Variants in LUZP2 observed in about 807,000 individuals in gnomAD.
LUZP2 encodes the protein leucine zipper protein 2.
A neutral mutation model predicts 51.6 loss-of-function variants in LUZP2; 52 were observed. The ratio of observed to expected loss-of-function variants is 1.01; its 90% confidence interval spans 0.81 to 1.27. The LOEUF (loss-of-function observed/expected upper bound fraction) is 1.27. Among genes scored for constraint, LUZP2 ranks in the 50% most tolerant of loss-of-function variants. The pLI, the probability that LUZP2 is intolerant of heterozygous loss-of-function variation, is 0.00. For synonymous variants in LUZP2, 154 were observed against 137.3 expected (o/e 1.12, Z -0.85); for missense variants, 436 against 395.4 (o/e 1.10, Z -0.87).
chr11:24,499,511 G>C (rs1253897869), intron 1 of LUZP2, among the ~76,000 whole-genome samples: 1 of 152,190 alleles, frequency 6.6e-6, no homozygotes. Flanking sequence ...TTGTCCTGCT[G>C]GGAAAAGCTG....
At chr11:24,523,265 G>T (rs1850700353) in intron 1 of LUZP2, among the ~76,000 whole-genome samples, 1 of 151,088 alleles carries the variant, frequency 6.6e-6, no homozygotes, top group South Asian at 2.1e-4. Context: ...TCAAATTTGG[G>T]GCACAAAGAA....
Position 24,527,567 on chromosome 11 carries a change from TCA to T in LUZP2, c.62+30293_62+30294del, listed in dbSNP as rs1554948856. On this transcript the variant is annotated intron_variant, in intron 1 of 11. Transcript: ENST00000336930. The stretch of plus-strand genomic sequence containing the variant: ...AAATAAGAATCTCTCTCTCTCTCTC[TCA>T]CACACACACACACACACACACACAC... Among the ~76,000 whole-genome samples the T allele has an allele frequency of 3.3e-3, 435 of 131,598 alleles. 1 individual carries two copies. The highest frequency in any genetic ancestry group is 5.1e-3 in the Admixed American group (67 of 13,020). The allele number at this position is 131,598 out of a possible 152,430, so 86.3% of individuals were successfully genotyped here. A position where few individuals can be genotyped will look rare whatever the true frequency, so the allele number is the denominator to read the frequency against.
At chr11:24,739,108 A>C (rs1341284156) in intron 4 of LUZP2, among the ~76,000 whole-genome samples, 1 of 152,074 alleles carries the variant, frequency 6.6e-6, no homozygotes, top group Non-Finnish European at 1.5e-5. Context: ...GCTGCACACC[A>C]CAGAGGGGCC....
At chr11:24,801,753 T>G (rs1486693) in intron 5 of LUZP2, among the ~76,000 whole-genome samples, 1 of 151,518 alleles carries the variant, frequency 6.6e-6, no homozygotes, top group East Asian at 1.9e-4. Context: ...AATTTATTTA[T>G]TGTTTTTTCT....
intron 8 of LUZP2, among the ~76,000 whole-genome samples, chr11:24,978,161 T>C (rs1254460651): frequency 3.3e-5 from 5 of 151,650 alleles, no homozygotes; most frequent in Non-Finnish European, 7.4e-5. Flanking sequence ...GTGAATTAGA[T>C]CAAGTATAAT....
At chr11:24,960,748 C>G (rs1320825969) in intron 7 of LUZP2, among the ~76,000 whole-genome samples, 1 of 152,116 alleles carries the variant, frequency 6.6e-6, no homozygotes, top group African/African-American at 2.4e-5. Flanking sequence ...CTATTTCCTT[C>G]AGTTCTGCTC....
At chr11:24,514,212 G>C (rs1220276457) in intron 1 of LUZP2, among the ~76,000 whole-genome samples, 1 of 151,982 alleles carries the variant, frequency 6.6e-6, no homozygotes. Context: ...CTAGTTGGTT[G>C]TGTGTGTGTG....
chr11:24,647,854 C>G (rs1350173578), intron 1 of LUZP2, among the ~76,000 whole-genome samples: 1 of 151,822 alleles, frequency 6.6e-6, no homozygotes, highest in Non-Finnish European at 1.5e-5. Flanking sequence ...ATCACCCTCT[C>G]TCTTTTTGAA....
intron 5 of LUZP2, among the ~76,000 whole-genome samples, chr11:24,776,253 T>G (rs2134064077): frequency 6.6e-6 from 1 of 152,358 alleles, no homozygotes; most frequent in African/African-American, 2.4e-5. Flanking sequence ...ATTCATATTT[T>G]AATTAGAAAC....
chr11:24,960,240 G>A (rs1293786588), intron 7 of LUZP2, among the ~76,000 whole-genome samples: 1 of 152,192 alleles, frequency 6.6e-6, no homozygotes, highest in South Asian at 2.1e-4. Flanking sequence ...GACCAGCTTT[G>A]CTATCAGGAT....
At chr11:24,890,696 T>C (rs1480264686) in intron 5 of LUZP2, among the ~76,000 whole-genome samples, 1 of 152,148 alleles carries the variant, frequency 6.6e-6, no homozygotes, top group Non-Finnish European at 1.5e-5. Context: ...TCACACAATC[T>C]GGATTTATTC....
intron 8 of LUZP2, among the ~76,000 whole-genome samples, chr11:24,982,725 C>T: frequency 6.6e-6 from 1 of 151,638 alleles, no homozygotes. Flanking sequence ...CACAAATTTA[C>T]CTATTTAACA....
At position 24,909,686 on chromosome 11, in the gene LUZP2, A is replaced by C. The variant is rs116954932; in HGVS notation, c.459+3633A>C. 5.9e-5 allele frequency among the ~76,000 whole-genome samples: 9 copies of C among 152,308 alleles called. 1 individual carries two copies. The East Asian group carries it at 1.5e-3, about 26-fold the overall frequency. ...CAAAATAATGATAACCATGTAAAGC[A>C]GAATTATCTTAGAGGGCCTCCCCAG... On this transcript the variant is annotated intron_variant, in intron 6 of 11. Coordinates refer to ENST00000336930, the MANE Select transcript of LUZP2 (RefSeq NM_001009909.4).
rs1852255631 is a variant in LUZP2 at position 24,566,903 on chromosome 11, T to TA, written c.62+69598_62+69599insA. On this transcript the variant is annotated intron_variant, in intron 1 of 11. Coordinates refer to ENST00000336930, the MANE Select transcript of LUZP2 (RefSeq NM_001009909.4). ...TAACATATATACATATTTATATATG[T>TA]TATATATATATATATGTATATATGT... 4.6e-4 allele frequency among the ~76,000 whole-genome samples: 2 copies of TA among 4,322 alleles called. 1 individual carries two copies. 2.8% of individuals were successfully genotyped at this position (4,322 alleles called of 152,430 possible).
chr11:24,790,701 C>G (rs1266015986), intron 5 of LUZP2, among the ~76,000 whole-genome samples: 1 of 152,050 alleles, frequency 6.6e-6, no homozygotes, highest in Admixed American at 6.6e-5. Context: ...GGGGTTTCAC[C>G]GTGTTGGCTA....
At chr11:24,945,427 T>A (rs991195039) in intron 7 of LUZP2, among the ~76,000 whole-genome samples, 1 of 152,122 alleles carries the variant, frequency 6.6e-6, no homozygotes, top group African/African-American at 2.4e-5. Context: ...TTCTGAATTA[T>A]GACAGGGCTC....
intron 7 of LUZP2, among the ~76,000 whole-genome samples, chr11:24,961,254 C>A (rs1042846550): frequency 6.6e-6 from 1 of 152,130 alleles, no homozygotes; most frequent in Non-Finnish European, 1.5e-5. Flanking sequence ...CTGTAGATGT[C>A]TATTAGGTCC....
intron 1 of LUZP2, among the ~76,000 whole-genome samples, chr11:24,594,130 G>T (rs1853349289): frequency 1.3e-5 from 2 of 152,150 alleles, no homozygotes; most frequent in Admixed American, 1.3e-4. Context: ...ATTTGTGAAG[G>T]ATTACTGCCT....
chr11:24,626,939 G>A (rs1432118211), intron 1 of LUZP2, among the ~76,000 whole-genome samples: 2 of 152,170 alleles, frequency 1.3e-5, no homozygotes, highest in Non-Finnish European at 2.9e-5. Flanking sequence ...GAAGTGACAT[G>A]TTCTGCTTTT....
Sources: allele counts gnomAD v4.1 joint callset (sites outside exome capture counted in the v4.1 genomes callset), GRCh38; gene constraint gnomAD v4.1.1; transcripts MANE v1.5; gene names NCBI Gene and HGNC (gene_info 2026-07-23, HGNC 2026-07-21).